TM9SF3: variants seen among roughly 807,000 people sequenced by gnomAD.
TM9SF3 encodes the protein transmembrane 9 superfamily member 3, also known as SM-11044-binding protein.
TM9SF3 carries 14 observed loss-of-function variants against 78.6 expected under a neutral mutation model. The observed-to-expected ratio is 0.18, with a 90% CI of 0.12 to 0.28. TM9SF3 has a LOEUF of 0.28. Ranked by LOEUF, TM9SF3 falls within the 10% of genes least tolerant of loss-of-function variation. The probability of loss-of-function intolerance (pLI) is 1.00; values close to 1 mark genes in which losing one functional copy is unlikely to be tolerated. For missense variants in TM9SF3, 496 were observed against 721.9 expected, an observed-to-expected ratio of 0.69 and a Z score of 3.59; for synonymous variants, 231 against 241.7, an observed-to-expected ratio of 0.96 and a Z score of 0.41.
At chr10:96,534,967 T>A (rs1847939214) in intron 9 of TM9SF3, among the ~76,000 whole-genome samples, 1 of 152,190 alleles carries the variant, frequency 6.6e-6, no homozygotes, top group Non-Finnish European at 1.5e-5. Flanking sequence ...TTCTATCTCC[T>A]TCACCTCATC....
At chr10:96,579,474 T>C (rs151221620) in intron 1 of TM9SF3, among the ~76,000 whole-genome samples, 50 of 152,370 alleles carry the variant, frequency 3.3e-4, no homozygotes, top group African/African-American at 1.2e-3. Flanking sequence ...ATTTATTTTA[T>C]ACAAATTAAA....
chr10:96,547,874 A>C, intron 8 of TM9SF3, 21 bp downstream of exon 8: 1 of 1,558,470 alleles, frequency 6.4e-7, no homozygotes, highest in South Asian at 1.2e-5. Context: ...TAACAACATG[A>C]AGTGAGAATT....
At chr10:96,558,047 A>G (rs1348945217) in intron 5 of TM9SF3, among the ~76,000 whole-genome samples, 1 of 152,098 alleles carries the variant, frequency 6.6e-6, no homozygotes, top group Non-Finnish European at 1.5e-5. Flanking sequence ...ATATGTGTTG[A>G]AGTAATAAAT....
intron 9 of TM9SF3, among the ~76,000 whole-genome samples, chr10:96,535,738 A>G (rs543902315): frequency 6.6e-6 from 1 of 152,292 alleles, no homozygotes; most frequent in Admixed American, 6.5e-5. Context: ...CCTTATCTAC[A>G]ACAATAACAA....
chr10:96,522,028 T>A lies in TM9SF3; in HGVS notation c.*235A>T, dbSNP rs944148864. ...TGGGAAGATTAGCCATGTACTGTAG[T>A]AATGCCTACTGCATAAAATCCAAGC... On this transcript the variant is annotated 3_prime_UTR_variant, in exon 15 of 15. Coordinates refer to ENST00000371142, the MANE Select transcript of TM9SF3 (RefSeq NM_020123.4). 4.0e-6 allele frequency: 2 copies of A among 501,840 alleles called. No individual in the cohort carries two copies. The highest frequency in any genetic ancestry group is 7.0e-6 in the Non-Finnish European group (2 of 287,754). The allele number at this position is 501,840 out of a possible 1,614,324, so 31.1% of individuals were successfully genotyped here.
At chr10:96,532,156 G>T (rs1235234512) in intron 10 of TM9SF3, among the ~76,000 whole-genome samples, 3 of 150,920 alleles carry the variant, frequency 2.0e-5, no homozygotes, top group Non-Finnish European at 3.0e-5. Flanking sequence ...CTTGCAGTGA[G>T]CCGAGATCAC....
Position 96,525,122 on chromosome 10 carries a change from A to G in TM9SF3, c.1702+2091T>C, listed in dbSNP as rs11593147. Among the ~76,000 whole-genome samples, 45 of 152,164 alleles carry G rather than the reference A, an allele frequency of 3.0e-4. No homozygotes were observed. In the South Asian group the frequency reaches 9.3e-3, roughly 32 times the overall value. On this transcript the variant is annotated intron_variant, in intron 14 of 14. Coordinates refer to ENST00000371142, the MANE Select transcript of TM9SF3 (RefSeq NM_020123.4). ...AAGAAAAATTTTTTTAACTCTCTGCATAATCGATTCTATACCTCACTGAAT... is the reference window on the plus strand; with the variant it reads ...AAGAAAAATTTTTTTAACTCTCTGCGTAATCGATTCTATACCTCACTGAAT...
rs115823440 is a variant in TM9SF3 at position 96,580,076 on chromosome 10, G to T, written c.103-3247C>A. ...AGTGTATCAGGGGATCCCTAAGCAC[G>T]ATAATAATCCCTTTCATCTGAGGCT... On this transcript the variant is annotated intron_variant, in intron 1 of 14. Coordinates refer to ENST00000371142, the MANE Select transcript of TM9SF3 (RefSeq NM_020123.4). Among the ~76,000 whole-genome samples, 416 of 152,298 alleles carry T rather than the reference G, an allele frequency of 2.7e-3. 3 individuals carry two copies. Among genetic ancestry groups the T allele is most frequent in the African/African-American group, 9.8e-3 (407 of 41,568 alleles).
At chr10:96,565,093 A>G (rs895591664) in intron 3 of TM9SF3, among the ~76,000 whole-genome samples, 5 of 152,170 alleles carry the variant, frequency 3.3e-5, no homozygotes, top group African/African-American at 7.2e-5. Flanking sequence ...TAAAAAAGTT[A>G]TATTTTAGGC....
chr10:96,575,495 G>A (rs932692566), intron 2 of TM9SF3, among the ~76,000 whole-genome samples: 5 of 151,182 alleles, frequency 3.3e-5, no homozygotes, highest in Admixed American at 6.6e-5. Context: ...AAATAGATAC[G>A]GTATACCTAT....
chr10:96,581,660 T>G lies in TM9SF3; in HGVS notation c.103-4831A>C, dbSNP rs111877083. 2.7e-3 allele frequency among the ~76,000 whole-genome samples: 411 copies of G among 152,342 alleles called. 6 individuals carry two copies. The highest frequency in any genetic ancestry group is 9.5e-3 in the African/African-American group (393 of 41,582). On this transcript the variant is annotated intron_variant, in intron 1 of 14. Coordinates refer to ENST00000371142, the MANE Select transcript of TM9SF3 (RefSeq NM_020123.4). Reference sequence around the variant, plus strand: ...ATTAGATAACTCACAAATTCACTTATAGTAAACAGCTTATACTCTTTATAA... The same window carrying G: ...ATTAGATAACTCACAAATTCACTTAGAGTAAACAGCTTATACTCTTTATAA...
intron 5 of TM9SF3, among the ~76,000 whole-genome samples, chr10:96,557,352 A>T (rs1489099208): frequency 7.1e-6 from 1 of 141,826 alleles, no homozygotes; most frequent in Non-Finnish European, 1.5e-5. Flanking sequence ...TGAAAACCCT[A>T]GAGTTTGTCT....
chr10:96,584,337 C>T (rs945868406), intron 1 of TM9SF3, among the ~76,000 whole-genome samples: 1 of 152,192 alleles, frequency 6.6e-6, no homozygotes, highest in Non-Finnish European at 1.5e-5. Flanking sequence ...TTCGGTACTA[C>T]TATCTGGCTA....
chr10:96,585,570 C>T (rs986537731), intron 1 of TM9SF3, among the ~76,000 whole-genome samples: 1 of 152,222 alleles, frequency 6.6e-6, no homozygotes, highest in Non-Finnish European at 1.5e-5. Context: ...GAAGGTAGAA[C>T]AGTCAAAAGT....
At chr10:96,583,108 A>G (rs917621030) in intron 1 of TM9SF3, among the ~76,000 whole-genome samples, 6 of 151,736 alleles carry the variant, frequency 4.0e-5, no homozygotes, top group African/African-American at 1.2e-4. Context: ...AAAAAGAAAG[A>G]AAGAAAGAAA....
rs1459068916 is a variant in TM9SF3, at chr10:96,529,768, C to T, written c.1394+772G>A. 3.3e-5 allele frequency among the ~76,000 whole-genome samples: 5 copies of T among 152,072 alleles called. 1 individual carries two copies. The South Asian group carries it at 6.2e-4, about 19-fold the overall frequency. ...ATTAACCAACTACCAAATCCAATTA[C>T]GTCCGTTAAGGAGACTCCTACCATA... is the stretch of plus-strand genomic sequence containing the variant. On this transcript the variant is annotated intron_variant, in intron 11 of 14. Coordinates refer to ENST00000371142, the MANE Select transcript of TM9SF3 (RefSeq NM_020123.4).
At chr10:96,546,771 G>T (rs1230235953) in intron 8 of TM9SF3, among the ~76,000 whole-genome samples, 1 of 152,080 alleles carries the variant, frequency 6.6e-6, no homozygotes. Context: ...ATAATCCTAC[G>T]CTCCGATTTC....
chr10:96,551,757 G>GTA (rs1564933521), intron 6 of TM9SF3, among the ~76,000 whole-genome samples: 1 of 152,108 alleles, frequency 6.6e-6, no homozygotes, highest in Admixed American at 6.6e-5. Context: ...CATCATAGCT[G>GTA]TAGCTCATAT....
intron 4 of TM9SF3, chr10:96,560,606 A>C: frequency 3.0e-6 from 2 of 664,226 alleles, no homozygotes; most frequent in Non-Finnish European, 5.7e-6. Context: ...CTGGAAAGTG[A>C]TCTGTCCCTG....
Sources: allele counts gnomAD v4.1 joint callset (sites outside exome capture counted in the v4.1 genomes callset), GRCh38; gene constraint gnomAD v4.1.1; transcripts MANE v1.5; gene names NCBI Gene and HGNC (gene_info 2026-07-23, HGNC 2026-07-21).